The following GPR137C variants were observed in gnomAD, a reference collection of about 807,000 sequenced individuals.
The protein encoded by GPR137C is G protein-coupled receptor 137C.
In GPR137C, 27 loss-of-function variants were observed where a neutral mutation model predicts 43.4. The ratio of observed to expected loss-of-function variants is 0.62; its 90% confidence interval spans 0.46 to 0.86. The LOEUF (loss-of-function observed/expected upper bound fraction) is 0.86. Among genes scored for constraint, GPR137C ranks in the 40% least tolerant of loss-of-function variants. The pLI is 0.00. For missense variants in GPR137C, 522 were observed against 534.6 expected (o/e 0.98, Z 0.23); for synonymous variants, 285 against 226.9 (o/e 1.26, Z -2.30).
intron 1 of GPR137C, among the ~76,000 whole-genome samples, chr14:52,579,355 CA>C (rs1430037321): frequency 5.3e-5 from 8 of 152,168 alleles, no homozygotes; most frequent in Admixed American, 1.3e-4. Context: ...GGCATTTGCC[CA>C]GGGTATGGAC....
At chr14:52,625,683 C>T (rs1419687099) in intron 3 of GPR137C, among the ~76,000 whole-genome samples, 2 of 150,702 alleles carry the variant, frequency 1.3e-5, no homozygotes, top group Non-Finnish European at 3.0e-5. Flanking sequence ...GCCTCCCGAG[C>T]AGCTGGGACT....
intron 3 of GPR137C, among the ~76,000 whole-genome samples, chr14:52,627,114 T>A (rs2039236430): frequency 6.6e-6 from 1 of 152,180 alleles, no homozygotes; most frequent in Non-Finnish European, 1.5e-5. Flanking sequence ...GAAATTGGGC[T>A]GGAGGTGATG....
intron 1 of GPR137C, among the ~76,000 whole-genome samples, chr14:52,575,487 T>C (rs2038537010): frequency 6.6e-6 from 1 of 152,232 alleles, no homozygotes; most frequent in South Asian, 2.1e-4. Flanking sequence ...AAAGTGGAGA[T>C]GTTAAACTGC....
chr14:52,566,967 G>A (rs900411877), intron 1 of GPR137C, among the ~76,000 whole-genome samples: 1 of 152,148 alleles, frequency 6.6e-6, no homozygotes, highest in Non-Finnish European at 1.5e-5. Context: ...CAAAAAATTA[G>A]CTGAGCATGG....
At chr14:52,605,703 CT>C (rs373153934) in intron 3 of GPR137C, among the ~76,000 whole-genome samples, 3 of 152,222 alleles carry the variant, frequency 2.0e-5, no homozygotes, top group African/African-American at 7.2e-5. Flanking sequence ...TAGACTTTAT[CT>C]TGCTGAGGTA....
rs564080315 is a variant in GPR137C, at chr14:52,577,799, C to CAAAAA, written c.445-20459_445-20455dup. On this transcript the variant is annotated intron_variant, in intron 1 of 6. Coordinates refer to ENST00000321662, the MANE Select transcript of GPR137C (RefSeq NM_001099652.2). ...GCAACATAGCAAAACACCATCTCTA[C>CAAAAA]AAAAAAAAAAAAAAAAAATTAGCTG... Among the ~76,000 whole-genome samples the CAAAAA allele has an allele frequency of 7.4e-3, 767 of 104,190 alleles. 5 individuals are homozygous for CAAAAA. The highest frequency in any genetic ancestry group is 0.022 in the Middle Eastern group (4 of 182). The allele number at this position is 104,190 out of a possible 152,430, so 68.4% of individuals were successfully genotyped here.
chr14:52,561,802 A>G (rs2038288035), intron 1 of GPR137C, among the ~76,000 whole-genome samples: 1 of 152,168 alleles, frequency 6.6e-6, no homozygotes, highest in East Asian at 1.9e-4. Context: ...GCAGATCACT[A>G]GTTTCCTAGG....
rs374097754 is a variant in GPR137C at position 52,552,922 on chromosome 14, C to A, written c.-226C>A. On this transcript the variant is annotated 5_prime_UTR_variant, in exon 1 of 7. Coordinates refer to ENST00000321662, the MANE Select transcript of GPR137C (RefSeq NM_001099652.2). ...GTTTTTTGCAGCTACGGAGCCGAGC[C>A]GCAGCAGGAGGAGCCGAGACCCCCG... is the stretch of plus-strand genomic sequence containing the variant. 6.6e-6 allele frequency among the ~76,000 whole-genome samples: 1 copy of A among 151,592 alleles called. No homozygotes were observed. Among genetic ancestry groups the A allele is most frequent in the Non-Finnish European group, 1.5e-5 (1 of 67,892 alleles).
At chr14:52,580,590 C>T (rs552343739) in intron 1 of GPR137C, among the ~76,000 whole-genome samples, 1 of 151,974 alleles carries the variant, frequency 6.6e-6, no homozygotes, top group East Asian at 1.9e-4. Context: ...TCTCGAACTT[C>T]TGAGCTCAGG....
intron 1 of GPR137C, among the ~76,000 whole-genome samples, chr14:52,591,982 G>A (rs1020239241): frequency 6.6e-5 from 10 of 151,848 alleles, no homozygotes; most frequent in Admixed American, 1.3e-4. Flanking sequence ...TCTTTAATAC[G>A]CCTTGAATTA....
At chr14:52,559,173 G>A (rs747252604) in intron 1 of GPR137C, among the ~76,000 whole-genome samples, 2 of 151,970 alleles carry the variant, frequency 1.3e-5, no homozygotes, top group Non-Finnish European at 2.9e-5. Flanking sequence ...TCAGGAGATC[G>A]AGACCCTCCT....
chr14:52,580,606 C>A (rs1368095491), intron 1 of GPR137C, among the ~76,000 whole-genome samples: 2 of 151,852 alleles, frequency 1.3e-5, no homozygotes, highest in African/African-American at 4.8e-5. Flanking sequence ...TCAGGCGATC[C>A]ACCCACCTCG....
intron 3 of GPR137C, among the ~76,000 whole-genome samples, chr14:52,606,052 G>A (rs1022880140): frequency 1.2e-4 from 19 of 152,140 alleles, no homozygotes; most frequent in Non-Finnish European, 2.6e-4. Flanking sequence ...GGTAATGCTA[G>A]CCTCATAGAA....
At chr14:52,583,790 G>C (rs2038678856) in intron 1 of GPR137C, among the ~76,000 whole-genome samples, 1 of 152,036 alleles carries the variant, frequency 6.6e-6, no homozygotes, top group Non-Finnish European at 1.5e-5. Context: ...GGTTTCCTGT[G>C]ATATATGATC....
chr14:52,625,056 T>C (rs1227816672), intron 3 of GPR137C, among the ~76,000 whole-genome samples: 1 of 152,214 alleles, frequency 6.6e-6, no homozygotes, highest in African/African-American at 2.4e-5. Context: ...GTAATCTAAG[T>C]AGACCCATAT....
chr14:52,559,249 G>A lies in GPR137C; in HGVS notation c.444+5658G>A, dbSNP rs533726733. Reference sequence around the variant, plus strand: ...AAATTAGCCCAGCATGGTGGCACGCGCCTGTAGTTCCAGCTACCCGGGAAG... The same window carrying A: ...AAATTAGCCCAGCATGGTGGCACGCACCTGTAGTTCCAGCTACCCGGGAAG... On this transcript the variant is annotated intron_variant, in intron 1 of 6. Transcript: ENST00000321662. Among the ~76,000 whole-genome samples, 20 of 152,040 alleles carry A rather than the reference G, an allele frequency of 1.3e-4. No homozygotes were observed. The South Asian group carries it at 2.3e-3, about 17-fold the overall frequency.
chr14:52,618,138 T>G (rs1399052239), intron 3 of GPR137C, among the ~76,000 whole-genome samples: 1 of 152,168 alleles, frequency 6.6e-6, no homozygotes, highest in Non-Finnish European at 1.5e-5. Flanking sequence ...GATTCCCCTT[T>G]TGAATATTTT....
chr14:52,616,647 T>G (rs543902502), intron 3 of GPR137C, among the ~76,000 whole-genome samples: 13 of 152,144 alleles, frequency 8.5e-5, no homozygotes, highest in Non-Finnish European at 1.8e-4. Flanking sequence ...CTTTGCTTGA[T>G]TGTCCATGCA....
At chr14:52,590,316 G>A (rs978134393) in intron 1 of GPR137C, among the ~76,000 whole-genome samples, 2 of 152,112 alleles carry the variant, frequency 1.3e-5, no homozygotes, top group Non-Finnish European at 1.5e-5. Flanking sequence ...GCTGTATGAC[G>A]TATTTGTGTT....
Sources: allele counts gnomAD v4.1 joint callset (sites outside exome capture counted in the v4.1 genomes callset), GRCh38; gene constraint gnomAD v4.1.1; transcripts MANE v1.5; gene names NCBI Gene and HGNC (gene_info 2026-07-23, HGNC 2026-07-21).